The following SGCD variants were observed in gnomAD, a reference collection of about 807,000 sequenced individuals.
SGCD encodes sarcoglycan delta.
A neutral mutation model predicts 36.6 loss-of-function variants in SGCD; 18 were observed. That is an observed-to-expected ratio of 0.49 (90% CI 0.34 to 0.73). The LOEUF (loss-of-function observed/expected upper bound fraction) is 0.73. Among genes scored for constraint, SGCD ranks in the 30% least tolerant of loss-of-function variants. The pLI is 0.01. For missense variants in SGCD, 387 were observed against 346.7 expected, an observed-to-expected ratio of 1.12 and a Z score of -0.92; for synonymous variants, 133 against 130.6, an observed-to-expected ratio of 1.02 and a Z score of -0.12.
In SGCD at chr5:156,530,420, C is replaced by T. The variant is rs180855566; in HGVS notation, c.294+21718C>T. 2.2e-3 allele frequency among the ~76,000 whole-genome samples: 331 copies of T among 152,152 alleles called. 1 individual carries two copies. Among genetic ancestry groups the T allele is most frequent in the African/African-American group, 7.7e-3 (319 of 41,512 alleles). On this transcript the variant is annotated intron_variant, in intron 4 of 8. Transcript: ENST00000337851. Reference sequence around the variant, plus strand: ...TATTATTGAATGACTGTATAGTTCCCGTATTTATGGCTGACTTCAGTTGCT... The same window carrying T: ...TATTATTGAATGACTGTATAGTTCCTGTATTTATGGCTGACTTCAGTTGCT...
chr5:155,852,009 C>A, the SGCD span, among the ~76,000 whole-genome samples: 1 of 152,162 alleles, frequency 6.6e-6, no homozygotes, highest in Non-Finnish European at 1.5e-5. Flanking sequence ...CAGCTGCTAG[C>A]GCAGAGCCTG....
chr5:156,604,198 A>G (rs901349147), intron 6 of SGCD, among the ~76,000 whole-genome samples: 2 of 151,928 alleles, frequency 1.3e-5, no homozygotes, highest in African/African-American at 2.4e-5. Flanking sequence ...TTTATTTTAT[A>G]TAAGTATGGC....
intron 3 of SGCD, among the ~76,000 whole-genome samples, chr5:156,451,352 G>A (rs1434853622): frequency 6.6e-6 from 1 of 152,108 alleles, no homozygotes; most frequent in African/African-American, 2.4e-5. Context: ...TCAACAAGCA[G>A]GAAGGTCCCT....
At chr5:156,229,277 C>CATGTATATATATATATATATATATATAT in intron 3 of SGCD, among the ~76,000 whole-genome samples, 1 of 56,474 alleles carries the variant, frequency 1.8e-5, no homozygotes, top group South Asian at 6.3e-4. Context: ...TATATACATA[C>CATGTATATATATATATATATATATATAT]ATATATATAT....
At chr5:156,361,599 A>T (rs1769796236) in intron 3 of SGCD, among the ~76,000 whole-genome samples, 1 of 152,258 alleles carries the variant, frequency 6.6e-6, no homozygotes, top group African/African-American at 2.4e-5. Flanking sequence ...AATAAGTTTC[A>T]GTTGCTAAAA....
chr5:155,954,491 G>T (rs1202894673), intron 1 of SGCD, among the ~76,000 whole-genome samples: 1 of 150,544 alleles, frequency 6.6e-6, no homozygotes, highest in East Asian at 1.9e-4. Context: ...TGGGCATGGG[G>T]TTAAAGCAAT....
intron 7 of SGCD, among the ~76,000 whole-genome samples, chr5:156,747,365 A>G (rs1038711768): frequency 1.3e-5 from 2 of 152,230 alleles, no homozygotes; most frequent in African/African-American, 4.8e-5. Flanking sequence ...GTCAGGAATC[A>G]GGTGCAGCTT....
At chr5:155,962,265 T>G (rs990242273) in intron 1 of SGCD, among the ~76,000 whole-genome samples, 1 of 152,106 alleles carries the variant, frequency 6.6e-6, no homozygotes, top group Non-Finnish European at 1.5e-5. Flanking sequence ...AATCATTCTA[T>G]CAGGTGTCTG....
At chr5:155,895,408 A>C (rs1300921208) in intron 1 of SGCD, among the ~76,000 whole-genome samples, 2 of 152,200 alleles carry the variant, frequency 1.3e-5, no homozygotes, top group Non-Finnish European at 2.9e-5. Flanking sequence ...AGTTCTTTGA[A>C]TAACTGGAGA....
At chr5:156,493,420 T>G (rs1581072697) in intron 3 of SGCD, among the ~76,000 whole-genome samples, 1 of 152,148 alleles carries the variant, frequency 6.6e-6, no homozygotes, top group South Asian at 2.1e-4. Flanking sequence ...ACATGTAAAA[T>G]GAGCCATCAC....
intron 1 of SGCD, among the ~76,000 whole-genome samples, chr5:155,962,310 A>G (rs1385784168): frequency 2.6e-5 from 4 of 152,092 alleles, no homozygotes; most frequent in African/African-American, 9.7e-5. Context: ...ACTTCTGGAA[A>G]TAGTTCTGAG....
At chr5:156,373,594 C>T (rs76176339) in intron 3 of SGCD, among the ~76,000 whole-genome samples, 2,134 of 152,322 alleles carry the variant, frequency 0.014, 23 homozygotes, top group Non-Finnish European at 0.023. Context: ...GAGAATGCCA[C>T]TGTGAGCCAA....
chr5:156,037,229 G>T (rs1434094480), intron 1 of SGCD, among the ~76,000 whole-genome samples: 1 of 152,190 alleles, frequency 6.6e-6, no homozygotes, highest in Non-Finnish European at 1.5e-5. Context: ...GTGGGTGAAA[G>T]CTTCCCTGAG....
At chr5:156,593,528 T>A (rs1259687026) in intron 5 of SGCD, among the ~76,000 whole-genome samples, 1 of 152,152 alleles carries the variant, frequency 6.6e-6, no homozygotes, top group African/African-American at 2.4e-5. Context: ...CACCACATTT[T>A]TTGCATTTCC....
chr5:156,090,874 A>G (rs536676959), intron 1 of SGCD, among the ~76,000 whole-genome samples: 14 of 152,304 alleles, frequency 9.2e-5, no homozygotes, highest in African/African-American at 2.9e-4. Flanking sequence ...ACGTCTGTTT[A>G]TAGGCTCCCT....
chr5:156,733,671 A>G (rs1178332665), intron 7 of SGCD, among the ~76,000 whole-genome samples: 1 of 151,908 alleles, frequency 6.6e-6, no homozygotes, highest in African/African-American at 2.4e-5. Context: ...TGCTTTATGA[A>G]TCTGGGTGCA....
chr5:156,139,406 G>A (rs1451759899), intron 3 of SGCD, among the ~76,000 whole-genome samples: 1 of 152,134 alleles, frequency 6.6e-6, no homozygotes, highest in Non-Finnish European at 1.5e-5. Context: ...TCAAAAGTTA[G>A]CTAGTTTCTT....
rs191706848 is a variant in SGCD, at chr5:156,149,876, C to T, written c.-44+25857C>T. On this transcript the variant is annotated intron_variant, in intron 3 of 9. Transcript: ENST00000517913. ...CTTCTTAAAATGGTGTGTGGGCTAA[C>T]GGAAATGTACTGGCAGGCTTCATTC... is the stretch of plus-strand genomic sequence containing the variant. Among the ~76,000 whole-genome samples the T allele has an allele frequency of 5.5e-4, 84 of 152,236 alleles. No individual in the cohort carries two copies. The East Asian group carries it at 9.5e-3, about 17-fold the overall frequency.
intron 3 of SGCD, among the ~76,000 whole-genome samples, chr5:156,268,577 TC>T (rs1339206879): frequency 1.3e-5 from 2 of 150,958 alleles, no homozygotes; most frequent in Non-Finnish European, 2.9e-5. Context: ...CTTCCTTCCT[TC>T]CTTCCTTCCT....
Sources: allele counts gnomAD v4.1 joint callset (sites outside exome capture counted in the v4.1 genomes callset), GRCh38; gene constraint gnomAD v4.1.1; transcripts MANE v1.5; gene names NCBI Gene and HGNC (gene_info 2026-07-23, HGNC 2026-07-21).